SMOC2: variants seen among roughly 807,000 people sequenced by gnomAD.
The protein encoded by SMOC2 is SPARC-related modular calcium-binding protein 2.
SMOC2 carries 39 observed loss-of-function variants against 61.4 expected under a neutral mutation model. The ratio of observed to expected loss-of-function variants is 0.64; its 90% confidence interval spans 0.49 to 0.83. The LOEUF (loss-of-function observed/expected upper bound fraction) is 0.83. Among genes scored for constraint, SMOC2 ranks in the 40% least tolerant of loss-of-function variants. The pLI is 0.00. For synonymous variants in SMOC2, 247 were observed against 239.9 expected, an observed-to-expected ratio of 1.03 and a Z score of -0.27; for missense variants, 556 against 592.9, an observed-to-expected ratio of 0.94 and a Z score of 0.65.
chr6:168,449,111 G>T (rs2114991724), intron 1 of SMOC2, among the ~76,000 whole-genome samples: 1 of 152,268 alleles, frequency 6.6e-6, no homozygotes, highest in South Asian at 2.1e-4. Flanking sequence ...ACGCAGACCT[G>T]CCTGTGGCTC....
At chr6:168,643,202 C>T (rs770877496) in intron 9 of SMOC2, among the ~76,000 whole-genome samples, 1 of 152,188 alleles carries the variant, frequency 6.6e-6, no homozygotes, top group East Asian at 1.9e-4. Context: ...CTCCTGGGTC[C>T]TCCCACAGCT....
chr6:168,491,105 G>A (rs779882342), intron 1 of SMOC2, among the ~76,000 whole-genome samples: 3 of 152,292 alleles, frequency 2.0e-5, no homozygotes, highest in Non-Finnish European at 4.4e-5. Context: ...GGTCATTCCT[G>A]ATGGCAGGAA....
At chr6:168,464,655 T>C (rs752324752) in intron 1 of SMOC2, among the ~76,000 whole-genome samples, 2 of 152,102 alleles carry the variant, frequency 1.3e-5, no homozygotes, top group Non-Finnish European at 2.9e-5. Context: ...AAGCCACAAA[T>C]GGATAACTCC....
intron 1 of SMOC2, among the ~76,000 whole-genome samples, chr6:168,445,476 C>T (rs573483915): frequency 6.6e-6 from 1 of 152,302 alleles, no homozygotes; most frequent in South Asian, 2.1e-4. Flanking sequence ...TTAGCAAGTT[C>T]ATGAGATGAT....
chr6:168,607,566 TA>T (rs1246566177), intron 8 of SMOC2, among the ~76,000 whole-genome samples: 1 of 148,300 alleles, frequency 6.7e-6, no homozygotes, highest in African/African-American at 2.5e-5. Flanking sequence ...TCATTGATGC[TA>T]AGTGGGACCA....
chr6:168,585,197 G>A (rs1354014375), intron 7 of SMOC2, among the ~76,000 whole-genome samples: 9 of 152,268 alleles, frequency 5.9e-5, no homozygotes, highest in Admixed American at 5.2e-4. Context: ...GGGCTTATGC[G>A]ATCCTCCTGC....
intron 9 of SMOC2, among the ~76,000 whole-genome samples, chr6:168,644,644 CTTTTTTTTTT>C (rs34203137): frequency 2.0e-5 from 2 of 99,490 alleles, no homozygotes; most frequent in Admixed American, 1.3e-4. Flanking sequence ...GAATGCCTTT[CTTTTTTTTTT>C]TTTTTTTTTT....
At chr6:168,615,123 TTA>T (rs1293388517) in intron 9 of SMOC2, among the ~76,000 whole-genome samples, 3 of 25,904 alleles carry the variant, frequency 1.2e-4, no homozygotes, top group African/African-American at 4.7e-4. Flanking sequence ...GGGGGCCTCT[TTA>T]CATCTACAGC....
intron 4 of SMOC2, among the ~76,000 whole-genome samples, chr6:168,531,563 G>A (rs1371433235): frequency 6.6e-6 from 1 of 152,168 alleles, no homozygotes; most frequent in South Asian, 2.1e-4. Context: ...ACCCAGGGGG[G>A]ATTTGGGGAA....
At chr6:168,621,277 T>C (rs1212850032) in intron 9 of SMOC2, among the ~76,000 whole-genome samples, 2 of 152,194 alleles carry the variant, frequency 1.3e-5, no homozygotes, top group African/African-American at 2.4e-5. Flanking sequence ...TTCTCTACGC[T>C]TTTCCTGATG....
chr6:168,541,711 G>A (rs1297163559), intron 4 of SMOC2, among the ~76,000 whole-genome samples: 4 of 152,148 alleles, frequency 2.6e-5, no homozygotes, highest in African/African-American at 9.7e-5. Flanking sequence ...CATGAATCAC[G>A]GAGCAGGTTA....
chr6:168,527,827 A>G, intron 4 of SMOC2, 100 bp downstream of exon 4: 1 of 872,638 alleles, frequency 1.1e-6, no homozygotes, highest in Non-Finnish European at 1.8e-6. Context: ...TCAAAGGGAA[A>G]TCCAGTTTGG....
At chr6:168,498,208 A>G (rs1270637542) in intron 1 of SMOC2, among the ~76,000 whole-genome samples, 1 of 152,208 alleles carries the variant, frequency 6.6e-6, no homozygotes, top group African/African-American at 2.4e-5. Context: ...CTAAGAAACA[A>G]ATTATCTGGT....
chr6:168,648,700 A>G (rs1787110456), intron 9 of SMOC2, among the ~76,000 whole-genome samples: 1 of 152,206 alleles, frequency 6.6e-6, no homozygotes, highest in African/African-American at 2.4e-5. Flanking sequence ...AGAGACTAAC[A>G]CAGACCTTTT....
intron 1 of SMOC2, among the ~76,000 whole-genome samples, chr6:168,449,268 T>G (rs1001341280): frequency 1.3e-5 from 2 of 152,208 alleles, no homozygotes; most frequent in Admixed American, 1.3e-4. Context: ...TGAAGTCGTA[T>G]CTCAGAACCA....
chr6:168,445,223 A>G (rs557695143), intron 1 of SMOC2, among the ~76,000 whole-genome samples: 1 of 152,264 alleles, frequency 6.6e-6, no homozygotes, highest in South Asian at 2.1e-4. Context: ...CACTGTCTTC[A>G]GGAACTTTAC....
chr6:168,526,522 A>G (rs2115074805), intron 3 of SMOC2, 70 bp downstream of exon 3: 2 of 1,325,060 alleles, frequency 1.5e-6, no homozygotes, highest in Admixed American at 1.7e-5. Context: ...GGGTGTGGGG[A>G]GAAGGCAGGT....
At chr6:168,551,655 T>G (rs1468053886) in intron 7 of SMOC2, among the ~76,000 whole-genome samples, 1 of 152,092 alleles carries the variant, frequency 6.6e-6, no homozygotes, top group Non-Finnish European at 1.5e-5. Flanking sequence ...GGTTTCACCA[T>G]GTTAGCCAGG....
chr6:168,603,425 T>TC (rs2115194190), intron 8 of SMOC2, among the ~76,000 whole-genome samples: 1 of 151,902 alleles, frequency 6.6e-6, no homozygotes, highest in Non-Finnish European at 1.5e-5. Context: ...ACGTCTCAGC[T>TC]CCCCTGGGAA....
Sources: gnomAD v4.1 joint callset for allele counts (sites outside exome capture counted in the v4.1 genomes callset) on GRCh38, gnomAD v4.1.1 for gene constraint, MANE v1.5 for transcripts, NCBI Gene and HGNC (gene_info 2026-07-23, HGNC 2026-07-21) for gene names.